Variants in MATN2 observed in about 807,000 individuals in gnomAD.
The protein encoded by MATN2 is matrilin 2, also known as matrilin-2.
In MATN2, 69 loss-of-function variants were observed where a neutral mutation model predicts 103.2. That is an observed-to-expected ratio of 0.67 (90% CI 0.55 to 0.82). The LOEUF (loss-of-function observed/expected upper bound fraction) is 0.82. MATN2 is among the 40% of genes least tolerant of loss of function. MATN2 has a pLI of 0.00. For missense variants in MATN2, 1,023 were observed against 1,211.5 expected, an observed-to-expected ratio of 0.84 and a Z score of 2.31; for synonymous variants, 429 against 450.2, an observed-to-expected ratio of 0.95 and a Z score of 0.60.
intron 6 of MATN2, among the ~76,000 whole-genome samples, chr8:97,986,089 A>T (rs944262740): frequency 6.6e-6 from 1 of 152,204 alleles, no homozygotes; most frequent in African/African-American, 2.4e-5. Flanking sequence ...CTGCTCAAAT[A>T]ATATTGTGAT....
chr8:97,949,795 G>T (rs961230323), intron 4 of MATN2, among the ~76,000 whole-genome samples: 1 of 152,142 alleles, frequency 6.6e-6, no homozygotes, highest in Non-Finnish European at 1.5e-5. Flanking sequence ...TGCAATACAC[G>T]CATCCTGTAT....
At chr8:97,887,031 G>T (rs189698909) in intron 1 of MATN2, among the ~76,000 whole-genome samples, 286 of 151,750 alleles carry the variant, frequency 1.9e-3, no homozygotes, top group African/African-American at 6.6e-3. Flanking sequence ...AGCTAGGACT[G>T]CAGGCACGAG....
chr8:97,899,909 G>A (rs980155844), intron 2 of MATN2, among the ~76,000 whole-genome samples: 5 of 152,136 alleles, frequency 3.3e-5, no homozygotes, highest in Non-Finnish European at 5.9e-5. Flanking sequence ...TATGAGAAAC[G>A]CTGGGGAAGC....
At chr8:97,950,949 G>C (rs1258264574) in intron 4 of MATN2, 1 of 152,366 alleles carries the variant, frequency 6.6e-6, no homozygotes. Flanking sequence ...GAATCTTGGA[G>C]GGAGAAAGCG....
intron 1 of MATN2, among the ~76,000 whole-genome samples, chr8:97,874,954 G>A (rs75518025): frequency 6.6e-6 from 1 of 151,772 alleles, no homozygotes; most frequent in East Asian, 1.9e-4. Flanking sequence ...TTGACCTTGT[G>A]ATCTGTCCGC....
intron 2 of MATN2, among the ~76,000 whole-genome samples, chr8:97,923,409 T>C (rs1809879611): frequency 6.6e-6 from 1 of 152,232 alleles, no homozygotes; most frequent in Non-Finnish European, 1.5e-5. Context: ...TGCTACTCTG[T>C]CCAGCATTAC....
At chr8:97,970,776 C>T (rs1262097470) in intron 5 of MATN2, among the ~76,000 whole-genome samples, 1 of 151,920 alleles carries the variant, frequency 6.6e-6, no homozygotes, top group Admixed American at 6.6e-5. Context: ...AGTAAGACTC[C>T]TGTCTCTACA....
rs1818492736 is a variant in MATN2 at position 97,887,910 on chromosome 8, A to G, written c.-26-165A>G. On this transcript the variant is annotated intron_variant, in intron 1 of 18. Coordinates refer to ENST00000254898, the MANE Select transcript of MATN2 (RefSeq NM_002380.5). ...CGGAGCGTCCAAGAAGAGCCTACCA[A>G]CGGGGGCTACTTAAGCTCTCAAAGG... 6 of 572,220 alleles carry G rather than the reference A, an allele frequency of 1.0e-5. 1 individual carries two copies. Among genetic ancestry groups the G allele is most frequent in the South Asian group, 7.6e-5 (3 of 39,276 alleles). The allele number at this position is 572,220 out of a possible 1,614,324, so 35.4% of individuals were successfully genotyped here.
intron 1 of MATN2, among the ~76,000 whole-genome samples, chr8:97,879,296 G>C (rs564229966): frequency 6.6e-6 from 1 of 152,192 alleles, no homozygotes; most frequent in South Asian, 2.1e-4. Context: ...GAGGCGCCCC[G>C]CTATGACAAG....
chr8:97,869,646 T>A (rs1437449607), intron 1 of MATN2, among the ~76,000 whole-genome samples: 1 of 152,096 alleles, frequency 6.6e-6, no homozygotes, highest in Non-Finnish European at 1.5e-5. Context: ...GTTGAGCGGG[T>A]ATGCAGGGTG....
intron 2 of MATN2, among the ~76,000 whole-genome samples, chr8:97,894,691 A>AT (rs1181897097): frequency 6.6e-6 from 1 of 152,008 alleles, no homozygotes; most frequent in African/African-American, 2.4e-5. Flanking sequence ...ACTTATTTTC[A>AT]TTTTTGCATG....
chr8:97,937,790 G>C (rs183867150), intron 3 of MATN2, among the ~76,000 whole-genome samples: 1 of 151,866 alleles, frequency 6.6e-6, no homozygotes, highest in African/African-American at 2.4e-5. Context: ...TGTTGGCCAG[G>C]CTGGTTTCAA....
chr8:97,961,221 G>T (rs1448982191), intron 4 of MATN2, among the ~76,000 whole-genome samples, 187 bp from the exon 5 acceptor site: 2 of 152,194 alleles, frequency 1.3e-5, no homozygotes, highest in Non-Finnish European at 2.9e-5. Flanking sequence ...GGGGATTACA[G>T]GTGAATTTTC....
Position 98,021,274 on chromosome 8 carries a change from T to A in MATN2, c.1889T>A (p.Ile630Asn), listed in dbSNP as rs755047787. 2 of 1,613,732 alleles carry A rather than the reference T, an allele frequency of 1.2e-6. No individual in the cohort carries two copies. The highest frequency in any genetic ancestry group is 2.2e-5 in the South Asian group (2 of 91,080). ...HICVNNGNSY[I>N]CKCSEGFVLA... ...TGTGTTAATAATGGGAATTCCTACA[T>A]CTGCAAATGCTCAGAGGGATTTGTT... The change falls in exon 13 of 19, where the codon ATC (isoleucine) becomes AAC (asparagine). Residue 630 changes from isoleucine to asparagine, a missense_variant. Transcript: ENST00000254898.
intron 11 of MATN2, among the ~76,000 whole-genome samples, chr8:98,017,756 T>G (rs1239563917): frequency 6.6e-6 from 1 of 152,242 alleles, no homozygotes; most frequent in African/African-American, 2.4e-5. Flanking sequence ...GACTGCATTT[T>G]AACACTAAAG....
intron 5 of MATN2, among the ~76,000 whole-genome samples, chr8:97,968,953 T>G (rs2130281451): frequency 6.6e-6 from 1 of 152,314 alleles, no homozygotes; most frequent in Admixed American, 6.5e-5. Context: ...GTAATTTATT[T>G]GAAAAAGAAA....
intron 6 of MATN2, among the ~76,000 whole-genome samples, chr8:97,980,887 C>T (rs562575038): frequency 9.9e-5 from 15 of 151,784 alleles, no homozygotes; most frequent in Non-Finnish European, 1.6e-4. Context: ...ATCTTGAATA[C>T]TAAATGAGGC....
intron 16 of MATN2, among the ~76,000 whole-genome samples, chr8:98,032,644 GC>G (rs1814078946): frequency 1.3e-5 from 2 of 152,100 alleles, no homozygotes; most frequent in Admixed American, 1.3e-4. Context: ...TGATTCTCCT[GC>G]CCCAGCCTCC....
chr8:97,985,405 G>A (rs1167475487), intron 6 of MATN2, among the ~76,000 whole-genome samples: 8 of 152,116 alleles, frequency 5.3e-5, no homozygotes, highest in Non-Finnish European at 5.9e-5. Flanking sequence ...TTAACATGAA[G>A]TTTATGGGAT....
Sources: allele counts gnomAD v4.1 joint callset (sites outside exome capture counted in the v4.1 genomes callset), GRCh38; gene constraint gnomAD v4.1.1; transcripts MANE v1.5; gene names NCBI Gene and HGNC (gene_info 2026-07-23, HGNC 2026-07-21).